Variants in MGAT5 observed in about 807,000 individuals in gnomAD.
MGAT5 encodes alpha-1,6-mannosylglycoprotein 6-beta-N-acetylglucosaminyltransferase A.
In MGAT5, 30 loss-of-function variants were observed where a neutral mutation model predicts 94.3. The ratio of observed to expected loss-of-function variants is 0.32; its 90% confidence interval spans 0.24 to 0.43. The LOEUF (loss-of-function observed/expected upper bound fraction) is 0.43, where lower values mean the gene tolerates loss of function less well. Ranked by LOEUF, MGAT5 falls within the 20% of genes least tolerant of loss-of-function variation. The pLI is 1.00. For synonymous variants in MGAT5, 310 were observed against 322.9 expected, an observed-to-expected ratio of 0.96 and a Z score of 0.43; for missense variants, 691 against 905.5, an observed-to-expected ratio of 0.76 and a Z score of 3.04.
chr2:134,365,096 G>A (rs1680341324), intron 10 of MGAT5, among the ~76,000 whole-genome samples: 2 of 152,148 alleles, frequency 1.3e-5, no homozygotes, highest in South Asian at 4.1e-4. Context: ...TTGTGTCCTG[G>A]GAGGTTTAGG....
chr2:134,294,974 G>A (rs1029997068), intron 2 of MGAT5, among the ~76,000 whole-genome samples: 4 of 152,156 alleles, frequency 2.6e-5, no homozygotes, highest in Admixed American at 2.6e-4. Flanking sequence ...AGGTGGACGC[G>A]TCAACTTATA....
At chr2:134,429,174 A>G (rs1684749031) in intron 14 of MGAT5, among the ~76,000 whole-genome samples, 2 of 150,934 alleles carry the variant, frequency 1.3e-5, no homozygotes, top group African/African-American at 2.5e-5. Context: ...TTTTAAGGCA[A>G]TCAAGGGATC....
At chr2:134,126,196 C>T (rs878960730) in intron 1 of MGAT5, among the ~76,000 whole-genome samples, 5 of 152,200 alleles carry the variant, frequency 3.3e-5, no homozygotes, top group Admixed American at 2.6e-4. Flanking sequence ...GTTCCTGATT[C>T]GGAATGCTTC....
At chr2:134,307,267 T>G (rs749938921) in intron 2 of MGAT5, among the ~76,000 whole-genome samples, 3 of 152,170 alleles carry the variant, frequency 2.0e-5, no homozygotes, top group Non-Finnish European at 2.9e-5. Context: ...CACCCCTGAC[T>G]TCCTTACTAA....
intron 1 of MGAT5, among the ~76,000 whole-genome samples, chr2:134,258,451 A>G (rs910647678): frequency 1.3e-5 from 2 of 152,222 alleles, no homozygotes; most frequent in Non-Finnish European, 2.9e-5. Flanking sequence ...AGCCATGCCC[A>G]TTTAATTATA....
intron 1 of MGAT5, among the ~76,000 whole-genome samples, chr2:134,217,508 G>T (rs1384538477): frequency 2.0e-5 from 3 of 152,148 alleles, no homozygotes; most frequent in Admixed American, 6.5e-5. Context: ...GAAAGCCACC[G>T]TCAAGAGGAA....
intron 15 of MGAT5, among the ~76,000 whole-genome samples, chr2:134,444,159 C>T (rs1685643906): frequency 6.6e-6 from 1 of 152,188 alleles, no homozygotes; most frequent in African/African-American, 2.4e-5. Flanking sequence ...CAGCCCTTGC[C>T]AAAGACAGAG....
At chr2:134,230,024 A>G (rs142840540) in intron 1 of MGAT5, among the ~76,000 whole-genome samples, 1 of 152,344 alleles carries the variant, frequency 6.6e-6, no homozygotes, top group African/African-American at 2.4e-5. Flanking sequence ...GATGGGAAAG[A>G]TGGGGGAAGT....
intron 15 of MGAT5, among the ~76,000 whole-genome samples, chr2:134,444,645 A>G (rs550146033): frequency 1.3e-5 from 2 of 152,170 alleles, no homozygotes; most frequent in African/African-American, 4.8e-5. Context: ...TGCATCTCCA[A>G]CTTGGAGCCT....
chr2:134,303,310 C>T (rs1227929399), intron 2 of MGAT5, among the ~76,000 whole-genome samples: 5 of 152,096 alleles, frequency 3.3e-5, no homozygotes, highest in East Asian at 1.9e-4. Context: ...GCCTTGTTCA[C>T]GTTTTCCTGT....
intron 10 of MGAT5, among the ~76,000 whole-genome samples, chr2:134,394,117 C>T (rs1239698330): frequency 6.6e-6 from 1 of 152,126 alleles, no homozygotes; most frequent in Non-Finnish European, 1.5e-5. Flanking sequence ...ATCCCACCTC[C>T]CAGATTTCTA....
At chr2:134,332,895 C>A (rs951788800) in intron 4 of MGAT5, among the ~76,000 whole-genome samples, 5,044 of 151,236 alleles carry the variant, frequency 0.033, 257 homozygotes, top group African/African-American at 0.11. Flanking sequence ...ATACCATCTC[C>A]TACCAGTTAG....
intron 10 of MGAT5, among the ~76,000 whole-genome samples, chr2:134,389,407 C>G (rs77112608): frequency 1.3e-5 from 2 of 152,160 alleles, no homozygotes; most frequent in African/African-American, 2.4e-5. Context: ...ACTAAGCTAG[C>G]ACCCTCTGTC....
At chr2:134,263,192 T>C (rs1683451198) in intron 1 of MGAT5, among the ~76,000 whole-genome samples, 1 of 152,154 alleles carries the variant, frequency 6.6e-6, no homozygotes, top group Admixed American at 6.5e-5. Context: ...ATTCCTTATC[T>C]TTTCTATAAA....
intron 1 of MGAT5, among the ~76,000 whole-genome samples, chr2:134,242,649 T>A (rs1682032753): frequency 6.6e-6 from 1 of 152,218 alleles, no homozygotes; most frequent in Non-Finnish European, 1.5e-5. Flanking sequence ...GGATTGGGCC[T>A]AAGATTCTGC....
chr2:134,186,685 T>G (rs1187678524), intron 1 of MGAT5, among the ~76,000 whole-genome samples: 1 of 152,152 alleles, frequency 6.6e-6, no homozygotes, highest in Non-Finnish European at 1.5e-5. Context: ...GTGGATAGCA[T>G]GGATGCCCAG....
intron 1 of MGAT5, among the ~76,000 whole-genome samples, chr2:134,145,214 C>G (rs4954110): frequency 0.25 from 36,532 of 143,694 alleles, 4,559 homozygotes; most frequent in South Asian, 0.32. Context: ...GTCTCTCTCT[C>G]TGTGTGTGTG....
intron 1 of MGAT5, among the ~76,000 whole-genome samples, chr2:134,218,620 T>TTC (rs1291376544): frequency 6.6e-6 from 1 of 152,068 alleles, no homozygotes; most frequent in Admixed American, 6.5e-5. Flanking sequence ...ATCTGCTTGG[T>TTC]TCTAAGAAGG....
intron 14 of MGAT5, among the ~76,000 whole-genome samples, chr2:134,439,834 G>A (rs1685383992): frequency 6.6e-6 from 1 of 152,232 alleles, no homozygotes; most frequent in Non-Finnish European, 1.5e-5. Context: ...CCGCCTGGCA[G>A]CATGAGACCC....
Sources: gnomAD v4.1 joint callset for allele counts (sites outside exome capture counted in the v4.1 genomes callset) on GRCh38, gnomAD v4.1.1 for gene constraint, MANE v1.5 for transcripts, NCBI Gene and HGNC (gene_info 2026-07-23, HGNC 2026-07-21) for gene names.